Variants in ZNF610 observed in about 807,000 individuals in gnomAD.
ZNF610 encodes the protein zink finger protein.
A neutral mutation model predicts 14.1 loss-of-function variants in ZNF610; 14 were observed. The observed-to-expected ratio is 0.99, with a 90% CI of 0.65 to 1.55. The LOEUF (loss-of-function observed/expected upper bound fraction) is 1.55, where lower values mean the gene tolerates loss of function less well. ZNF610 is among the 40% of genes most tolerant of loss of function. The pLI is 0.00. For missense variants in ZNF610, 530 were observed against 558.0 expected (o/e 0.95, Z 0.51); for synonymous variants, 185 against 187.6 (o/e 0.99, Z 0.11).
intron 1 of ZNF610, among the ~76,000 whole-genome samples, chr19:52,341,436 A>G (rs1412979272): frequency 1.3e-5 from 2 of 151,710 alleles, no homozygotes; most frequent in Non-Finnish European, 2.9e-5. Context: ...CAGCCTCCTG[A>G]GTAGCTGGGA....
chr19:52,363,128 T>G (rs1044520130), intron 5 of ZNF610, among the ~76,000 whole-genome samples: 1 of 131,182 alleles, frequency 7.6e-6, no homozygotes, highest in South Asian at 2.3e-4. Context: ...TTCTATCCCC[T>G]TTTTTTTTTT....
At chr19:52,359,013 C>T (rs1425843449) in intron 5 of ZNF610, among the ~76,000 whole-genome samples, 1 of 152,196 alleles carries the variant, frequency 6.6e-6, no homozygotes, top group East Asian at 1.9e-4. Context: ...TATATGTCTG[C>T]CTTCATGGCA....
At chr19:52,334,945 A>ACACACACACACACACACACACACACACC (rs1984303091), upstream of ZNF610, among the ~76,000 whole-genome samples, 1 of 150,866 alleles carries the variant, frequency 6.6e-6, no homozygotes, top group Admixed American at 6.6e-5. Flanking sequence ...AAACACACAC[A>ACACACACACACACACACACACACACACC]CACACACACA....
chr19:52,358,932 G>A (rs1459675746), intron 5 of ZNF610, among the ~76,000 whole-genome samples: 2 of 152,214 alleles, frequency 1.3e-5, no homozygotes, highest in Non-Finnish European at 1.5e-5. Context: ...GGTCTTGGCA[G>A]CCTTATTGAA....
upstream of ZNF610, among the ~76,000 whole-genome samples, chr19:52,333,094 T>G (rs566773392): frequency 1.3e-5 from 2 of 152,166 alleles, no homozygotes; most frequent in African/African-American, 2.4e-5. Context: ...AAGCCTCCTC[T>G]TCCAATAGAT....
intron 1 of ZNF610, among the ~76,000 whole-genome samples, chr19:52,337,925 G>A (rs1043335096): frequency 1.3e-5 from 2 of 152,106 alleles, no homozygotes; most frequent in African/African-American, 4.8e-5. Flanking sequence ...TAAGACAGGA[G>A]GAAAAACCAA....
rs1274995556 is a variant in ZNF610, at chr19:52,366,515, A to T, written c.1137A>T (p.Arg379Ser). The T allele has an allele frequency of 6.2e-7, 1 of 1,614,240 alleles. No individual in the cohort carries two copies. The highest frequency in any genetic ancestry group is 1.7e-5 in the Admixed American group (1 of 60,024). Reference protein sequence around the residue: ...EKPYKCNECGRAFHKRPGLMA... With the variant: ...EKPYKCNECGSAFHKRPGLMA... ...CCTACAAATGTAACGAATGTGGAAG[A>T]GCATTTCACAAGCGTCCGGGCCTTA... Residue 379 changes from arginine to serine, a missense_variant, in exon 6 of 6, where the codon AGA (arginine) becomes AGT (serine). By Grantham distance (110) the Arg-to-Ser change is moderately radical. Coordinates refer to ENST00000403906, the MANE Select transcript of ZNF610 (RefSeq NM_001161425.2).
chr19:52,352,069 C>G (rs1057200078), intron 3 of ZNF610, among the ~76,000 whole-genome samples: 4 of 152,118 alleles, frequency 2.6e-5, no homozygotes, highest in Non-Finnish European at 5.9e-5. Context: ...CTTCGCATTC[C>G]TGTGTCTTGC....
At chr19:52,358,519 GAT>G (rs1985639158) in intron 5 of ZNF610, among the ~76,000 whole-genome samples, 2 of 152,140 alleles carry the variant, frequency 1.3e-5, no homozygotes, top group Admixed American at 6.5e-5. Flanking sequence ...CTGGTTTTCT[GAT>G]TTGTAGGAGT....
chr19:52,353,693 A>G lies in ZNF610; in HGVS notation c.75A>G (p.Thr25=), dbSNP rs772336598. Residue 25 remains threonine (T), a synonymous_variant, in exon 4 of 6, where the codon ACA becomes ACG. Transcript: ENST00000403906. ...SGMALPQGRL[T]FMDVAIEFSQ... The stretch of plus-strand genomic sequence containing the variant: ...GGTCCTCATTTTAGGGACGCTTGAC[A>G]TTCATGGACGTGGCCATCGAATTCT... 1.9e-6 allele frequency: 3 copies of G among 1,613,750 alleles called. No homozygotes were observed. The highest frequency in any genetic ancestry group is 2.7e-5 in the African/African-American group (2 of 74,918).
chr19:52,339,621 G>A (rs1984575441), intron 1 of ZNF610, among the ~76,000 whole-genome samples: 1 of 149,874 alleles, frequency 6.7e-6, no homozygotes, highest in Admixed American at 6.6e-5. Flanking sequence ...CAGATTCACA[G>A]CATCTCAAGG....
chr19:52,334,383 C>CGAAAATACAAAACTTAGCCAGGCATG (rs1984274523), upstream of ZNF610, among the ~76,000 whole-genome samples: 1 of 152,078 alleles, frequency 6.6e-6, no homozygotes, highest in African/African-American at 2.4e-5. Context: ...CATGGTGGCA[C>CGAAAATACAAAACTTAGCCAGGCATG]GTGCCTGTAG....
intron 5 of ZNF610, among the ~76,000 whole-genome samples, chr19:52,365,472 T>C (rs1283205386): frequency 6.6e-6 from 1 of 152,196 alleles, no homozygotes; most frequent in Non-Finnish European, 1.5e-5. Flanking sequence ...TTTCTGCCCT[T>C]AATCTTTCTC....
chr19:52,357,776 C>T (rs1985602319), intron 5 of ZNF610, among the ~76,000 whole-genome samples: 2 of 152,230 alleles, frequency 1.3e-5, no homozygotes. Context: ...TATGATCGCG[C>T]CACTGCACTG....
intron 5 of ZNF610, among the ~76,000 whole-genome samples, chr19:52,355,338 C>G (rs1411517710): frequency 6.6e-6 from 1 of 152,182 alleles, no homozygotes; most frequent in African/African-American, 2.4e-5. Context: ...ATGAGCTACT[C>G]TTTTTTGCAT....
In ZNF610 at chr19:52,366,227, T is replaced by G; in HGVS notation, c.849T>G (p.Thr283=). The G allele has an allele frequency of 6.2e-7, 1 of 1,614,098 alleles. No homozygotes were observed. The highest frequency in any genetic ancestry group is 8.5e-7 in the Non-Finnish European group (1 of 1,179,988). ...SNLARHQRIH[T]GEKPHKCNEC... ...TTGCACGACATCAAAGAATTCATAC[T>G]GGAGAGAAGCCTCACAAATGTAACG... is the stretch of plus-strand genomic sequence containing the variant. Residue 283 remains threonine (T), a synonymous_variant, in exon 6 of 6, where the codon ACT becomes ACG. Transcript: ENST00000403906.
At chr19:52,364,979 C>T (rs1028154213) in intron 5 of ZNF610, among the ~76,000 whole-genome samples, 2 of 152,112 alleles carry the variant, frequency 1.3e-5, no homozygotes, top group East Asian at 3.9e-4. Flanking sequence ...GGCACGGTGG[C>T]TCACGCCTGT....
intron 5 of ZNF610, among the ~76,000 whole-genome samples, chr19:52,360,712 T>A (rs1985734854): frequency 6.6e-6 from 1 of 152,182 alleles, no homozygotes; most frequent in South Asian, 2.1e-4. Context: ...ATTGCAGGGA[T>A]CAATGTTCCT....
In ZNF610 at chr19:52,338,767, A is replaced by G. The variant is rs183440437; in HGVS notation, c.-258+2261A>G. ...CCTGGCTGGTGTGCACTGGCGCGAT[A>G]TTGGCTCACCACTGAAGGGGTGGCC... On this transcript the variant is annotated intron_variant, in intron 1 of 5. Coordinates refer to ENST00000403906, the MANE Select transcript of ZNF610 (RefSeq NM_001161425.2). 4.0e-3 allele frequency among the ~76,000 whole-genome samples: 613 copies of G among 152,130 alleles called. 4 individuals carry two copies. The highest frequency in any genetic ancestry group is 5.9e-3 in the Non-Finnish European group (398 of 67,998).
Sources: allele counts gnomAD v4.1 joint callset (sites outside exome capture counted in the v4.1 genomes callset), GRCh38; gene constraint gnomAD v4.1.1; transcripts MANE v1.5; gene names NCBI Gene and HGNC (gene_info 2026-07-23, HGNC 2026-07-21).